The following UNC5D variants were observed in gnomAD, a reference collection of about 807,000 sequenced individuals.
UNC5D encodes unc-5 netrin receptor D, also known as netrin receptor UNC5D.
UNC5D carries 39 observed loss-of-function variants against 105.4 expected under a neutral mutation model. That is an observed-to-expected ratio of 0.37 (90% CI 0.29 to 0.48). UNC5D has a LOEUF of 0.48. UNC5D is among the 20% of genes least tolerant of loss of function. The probability of loss-of-function intolerance (pLI) is 0.98; values close to 1 mark genes in which losing one functional copy is unlikely to be tolerated. For synonymous variants in UNC5D, 452 were observed against 450.4 expected, an observed-to-expected ratio of 1.00 and a Z score of -0.04; for missense variants, 991 against 1,202.4, an observed-to-expected ratio of 0.82 and a Z score of 2.60.
intron 8 of UNC5D, among the ~76,000 whole-genome samples, chr8:35,717,408 T>A (rs1266019363): frequency 6.6e-6 from 1 of 152,188 alleles, no homozygotes; most frequent in Non-Finnish European, 1.5e-5. Context: ...AAAGCCCTTC[T>A]ACAGAGTCCT....
At chr8:35,586,343 C>T (rs982446466) in intron 3 of UNC5D, among the ~76,000 whole-genome samples, 4 of 152,128 alleles carry the variant, frequency 2.6e-5, no homozygotes, top group South Asian at 2.1e-4. Context: ...GCGGGAGGAG[C>T]GCAGATAATG....
At chr8:35,573,205 C>G (rs1406870808) in intron 3 of UNC5D, among the ~76,000 whole-genome samples, 3 of 152,192 alleles carry the variant, frequency 2.0e-5, no homozygotes, top group Admixed American at 6.5e-5. Flanking sequence ...GTTTCTGAAG[C>G]ACTATTTGGA....
chr8:35,704,925 A>T (rs1827455375), intron 7 of UNC5D, among the ~76,000 whole-genome samples: 1 of 149,998 alleles, frequency 6.7e-6, no homozygotes, highest in Non-Finnish European at 1.5e-5. Flanking sequence ...AAAATTCCTC[A>T]GCTGAGCTCT....
intron 1 of UNC5D, among the ~76,000 whole-genome samples, chr8:35,436,204 AT>A (rs987432517): frequency 6.6e-6 from 1 of 152,020 alleles, no homozygotes; most frequent in African/African-American, 2.4e-5. Flanking sequence ...ATTTCTTCAC[AT>A]TATAGTTTTA....
chr8:35,700,707 T>G (rs1485627037), intron 7 of UNC5D, among the ~76,000 whole-genome samples: 2 of 152,288 alleles, frequency 1.3e-5, no homozygotes, highest in East Asian at 3.9e-4. Flanking sequence ...TTTATCAGAC[T>G]AGTACATGGA....
At chr8:35,778,819 T>C (rs775983067) in intron 16 of UNC5D, among the ~76,000 whole-genome samples, 2 of 152,210 alleles carry the variant, frequency 1.3e-5, no homozygotes, top group Non-Finnish European at 2.9e-5. Flanking sequence ...ATGTCACTGA[T>C]GATAATATGC....
chr8:35,240,821 T>A (rs1802758810), intron 1 of UNC5D, among the ~76,000 whole-genome samples: 1 of 152,240 alleles, frequency 6.6e-6, no homozygotes, highest in Non-Finnish European at 1.5e-5. Flanking sequence ...TATGTTCAGA[T>A]AAATCTGAAA....
intron 3 of UNC5D, among the ~76,000 whole-genome samples, chr8:35,587,992 A>ATATG (rs1818903460): frequency 1.4e-5 from 2 of 142,234 alleles, no homozygotes; most frequent in Non-Finnish European, 3.1e-5. Flanking sequence ...ATATATATAT[A>ATATG]TACTAATCCC....
chr8:35,709,319 G>A (rs949145631), intron 8 of UNC5D, among the ~76,000 whole-genome samples: 1 of 152,216 alleles, frequency 6.6e-6, no homozygotes, highest in Admixed American at 6.5e-5. Flanking sequence ...ATGAAGAGAA[G>A]CAGAGCAGGG....
chr8:35,419,551 G>C (rs1416199136), intron 1 of UNC5D, among the ~76,000 whole-genome samples: 2 of 152,156 alleles, frequency 1.3e-5, no homozygotes, highest in African/African-American at 4.8e-5. Flanking sequence ...TTTTGCTTGG[G>C]GAGTCCCAAG....
intron 1 of UNC5D, among the ~76,000 whole-genome samples, chr8:35,483,073 G>C (rs1363713023): frequency 6.6e-6 from 1 of 151,896 alleles, no homozygotes; most frequent in Admixed American, 6.6e-5. Flanking sequence ...AAAGTGCTGG[G>C]ATTACAGGCG....
At chr8:35,246,260 T>A (rs1803090161) in intron 1 of UNC5D, among the ~76,000 whole-genome samples, 2 of 152,172 alleles carry the variant, frequency 1.3e-5, no homozygotes, top group African/African-American at 4.8e-5. Context: ...AAGCTTTTCT[T>A]GGCATTTTAA....
chr8:35,468,085 T>A (rs192821097), intron 1 of UNC5D, among the ~76,000 whole-genome samples: 1 of 152,336 alleles, frequency 6.6e-6, no homozygotes, highest in South Asian at 2.1e-4. Flanking sequence ...GCTTTTACTA[T>A]GAATTAGATA....
intron 16 of UNC5D, among the ~76,000 whole-genome samples, chr8:35,787,608 C>T (rs548324693): frequency 8.6e-5 from 13 of 151,124 alleles, no homozygotes; most frequent in African/African-American, 2.7e-4. Context: ...CAAAGTTGTT[C>T]GGTTTTTTTG....
At chr8:35,242,322 G>A (rs768979726) in intron 1 of UNC5D, among the ~76,000 whole-genome samples, 11 of 152,154 alleles carry the variant, frequency 7.2e-5, no homozygotes, top group Non-Finnish European at 1.5e-4. Flanking sequence ...CATTTGGGAA[G>A]GTAAGTAACT....
At chr8:35,756,282 C>A in intron 13 of UNC5D, among the ~76,000 whole-genome samples, 1 of 151,872 alleles carries the variant, frequency 6.6e-6, no homozygotes. Context: ...GCGAAAAGAG[C>A]AAAAAATAAA....
chr8:35,474,381 A>G (rs1809940521), intron 1 of UNC5D, among the ~76,000 whole-genome samples: 1 of 152,248 alleles, frequency 6.6e-6, no homozygotes, highest in South Asian at 2.1e-4. Context: ...TCAGCAGAAC[A>G]TCAGAAGATA....
intron 1 of UNC5D, among the ~76,000 whole-genome samples, chr8:35,327,368 A>T (rs547356318): frequency 6.6e-6 from 1 of 152,250 alleles, no homozygotes; most frequent in East Asian, 1.9e-4. Flanking sequence ...CCCACATTGC[A>T]TGTTTGTTGA....
intron 7 of UNC5D, among the ~76,000 whole-genome samples, chr8:35,692,052 C>T (rs568073874): frequency 7.2e-5 from 11 of 152,248 alleles, no homozygotes; most frequent in Non-Finnish European, 1.2e-4. Context: ...CTAGTCCGTT[C>T]GTCTTGTCAA....
Sources: allele counts gnomAD v4.1 joint callset (sites outside exome capture counted in the v4.1 genomes callset), GRCh38; gene constraint gnomAD v4.1.1; transcripts MANE v1.5; gene names NCBI Gene and HGNC (gene_info 2026-07-23, HGNC 2026-07-21).